SHROOM4: variants seen among roughly 807,000 people sequenced by gnomAD.
SHROOM4 encodes the protein shroom family member 4, also known as protein Shroom4.
In SHROOM4, 17 loss-of-function variants were observed where a neutral mutation model predicts 80.3. The ratio of observed to expected loss-of-function variants is 0.21; its 90% confidence interval spans 0.14 to 0.32. The LOEUF (loss-of-function observed/expected upper bound fraction) is 0.32, where lower values mean the gene tolerates loss of function less well. Ranked by LOEUF, SHROOM4 falls within the 10% of genes least tolerant of loss-of-function variation. SHROOM4 has a pLI of 1.00. For missense variants in SHROOM4, 993 were observed against 1,140.3 expected (o/e 0.87, Z 1.86); for synonymous variants, 400 against 437.5 (o/e 0.91, Z 1.07).
At chrX:50,810,464 G>A (rs952976266) in intron 1 of SHROOM4, among the ~76,000 whole-genome samples, 2 of 110,907 alleles carry the variant, frequency 1.8e-5, no homozygotes, top group Non-Finnish European at 1.9e-5. Flanking sequence ...ACCGCTTCTG[G>A]TTTTTTTTCC....
At chrX:50,786,071 A>C (rs1935733759) in intron 1 of SHROOM4, among the ~76,000 whole-genome samples, 1 of 111,738 alleles carries the variant, frequency 8.9e-6, no homozygotes, top group Non-Finnish European at 1.9e-5. Context: ...TGAGACTACC[A>C]CATTAAAGCC....
At chrX:50,667,681 A>C (rs1161936926) in intron 2 of SHROOM4, among the ~76,000 whole-genome samples, 1 of 112,206 alleles carries the variant, frequency 8.9e-6, no homozygotes, top group Non-Finnish European at 1.9e-5. Context: ...AGGAGTAAAA[A>C]AAATCTAGTT....
Position 50,619,321 on chromosome X carries a change from C to T in SHROOM4, c.2957+8293G>A, listed in dbSNP as rs782313569. Among the ~76,000 whole-genome samples, 4 of 111,248 alleles carry T rather than the reference C, an allele frequency of 3.6e-5. No homozygotes were observed. The Admixed American group carries it at 3.8e-4, about 11-fold the overall frequency. On this transcript the variant is annotated intron_variant, in intron 5 of 8. Transcript: ENST00000376020. Reference sequence around the variant, plus strand: ...TCTCAGTAGCAACAGCACACAAGCCCAACCCGTCTCGCCTTTCCCTTCCCT... The same window carrying T: ...TCTCAGTAGCAACAGCACACAAGCCTAACCCGTCTCGCCTTTCCCTTCCCT...
intron 1 of SHROOM4, among the ~76,000 whole-genome samples, chrX:50,741,702 T>C (rs925378441): frequency 5.4e-5 from 6 of 111,364 alleles, no homozygotes; most frequent in Non-Finnish European, 1.1e-4. Context: ...TGGTCATTTG[T>C]ATAACATTTT....
intron 1 of SHROOM4, among the ~76,000 whole-genome samples, chrX:50,812,317 T>TAAAAAAAAAAAAAAA (rs34184946): frequency 1.5e-5 from 1 of 66,794 alleles, no homozygotes; most frequent in Non-Finnish European, 2.7e-5. Flanking sequence ...GTGTTTTTGT[T>TAAAAAAAAAAAAAAA]AAAAAAAAAA....
intron 2 of SHROOM4, among the ~76,000 whole-genome samples, chrX:50,667,332 G>A (rs1932722431): frequency 9.0e-6 from 1 of 111,642 alleles, no homozygotes; most frequent in Non-Finnish European, 1.9e-5. Flanking sequence ...CTTAAGGTTT[G>A]CTTCATTTAG....
chrX:50,689,764 G>A (rs1043158704), intron 2 of SHROOM4, among the ~76,000 whole-genome samples: 15 of 111,507 alleles, frequency 1.3e-4, no homozygotes, highest in African/African-American at 3.9e-4. Flanking sequence ...TTTTGTCTAC[G>A]TAAGAATCAA....
intron 2 of SHROOM4, among the ~76,000 whole-genome samples, chrX:50,649,266 C>T (rs782370783): frequency 1.8e-5 from 2 of 111,942 alleles, no homozygotes; most frequent in East Asian, 5.6e-4. Flanking sequence ...GTGTGCCCAG[C>T]GAGCAGCTTG....
rs915636438 is a variant in SHROOM4 at position 50,590,278 on chromosome X, G to A, written c.*6417C>T. Among the ~76,000 whole-genome samples the A allele has an allele frequency of 7.3e-5, 8 of 109,969 alleles. No individual in the cohort carries two copies. The highest frequency in any genetic ancestry group is 1.5e-4 in the Non-Finnish European group (8 of 52,657). ...TTTCTTTTTTTTGAGACAGAATCTC[G>A]CTCAGTCACCCAGGCTGGAGTGCAG... is the stretch of plus-strand genomic sequence containing the variant. On this transcript the variant is annotated 3_prime_UTR_variant, in exon 9 of 9. Transcript: ENST00000376020.
chrX:50,741,671 G>C (rs1481703807), intron 1 of SHROOM4, among the ~76,000 whole-genome samples: 1 of 110,822 alleles, frequency 9.0e-6, no homozygotes, highest in East Asian at 2.8e-4. Flanking sequence ...TAATGATATT[G>C]AGCACCTTTT....
At chrX:50,643,862 A>T (rs1931716347) in intron 2 of SHROOM4, among the ~76,000 whole-genome samples, 1 of 112,746 alleles carries the variant, frequency 8.9e-6, no homozygotes, top group Non-Finnish European at 1.9e-5. Context: ...TCTAAAAAGA[A>T]TTTTTAAAAA....
intron 1 of SHROOM4, among the ~76,000 whole-genome samples, chrX:50,700,119 A>G (rs1933477535): frequency 9.1e-6 from 1 of 109,466 alleles, no homozygotes. Flanking sequence ...CTTCTGGCCA[A>G]ATTACCAGCC....
intron 5 of SHROOM4, 30 bp downstream of exon 5, chrX:50,627,584 C>G (rs1930854163): frequency 8.4e-7 from 1 of 1,185,729 alleles, no homozygotes; most frequent in Admixed American, 2.2e-5. Context: ...GAGGCACCAA[C>G]CCACCCCAAC....
intron 1 of SHROOM4, among the ~76,000 whole-genome samples, chrX:50,736,493 G>T (rs1934496528): frequency 9.0e-6 from 1 of 111,469 alleles, no homozygotes; most frequent in Non-Finnish European, 1.9e-5. Flanking sequence ...CCACTTATAA[G>T]TGAAAACATG....
At chrX:50,585,837 G>A (rs1323781513), downstream of SHROOM4, among the ~76,000 whole-genome samples, 2 of 89,257 alleles carry the variant, frequency 2.2e-5, no homozygotes, top group Admixed American at 1.3e-4. Context: ...CTTGGTTTGG[G>A]TTATCTTTTG....
chrX:50,660,377 C>T (rs1364177978), intron 2 of SHROOM4, among the ~76,000 whole-genome samples: 5 of 111,693 alleles, frequency 4.5e-5, no homozygotes, highest in African/African-American at 1.6e-4. Flanking sequence ...TATAAGAGCA[C>T]ATGTATTTCT....
At position 50,720,819 on chromosome X, in the gene SHROOM4, G is replaced by A. The variant is rs1382057427; in HGVS notation, c.118-24882C>T. On this transcript the variant is annotated intron_variant, in intron 1 of 8. Coordinates refer to ENST00000376020, the MANE Select transcript of SHROOM4 (RefSeq NM_020717.5). ...AAAGCGCATTCATTCCTGGCTGAAG[G>A]AATAGCAGATGGAAAGGCACTGATG... Among the ~76,000 whole-genome samples, 2 of 111,402 alleles carry A rather than the reference G, an allele frequency of 1.8e-5. 1 individual carries two copies. The highest frequency in any genetic ancestry group is 6.5e-5 in the African/African-American group (2 of 30,629).
In SHROOM4 at chrX:50,602,032, C is replaced by T. The variant is rs1337707489; in HGVS notation, c.3942+601G>A. Among the ~76,000 whole-genome samples the T allele has an allele frequency of 2.7e-5, 3 of 111,450 alleles. No individual in the cohort carries two copies. The Admixed American group carries it at 2.8e-4, about 11-fold the overall frequency. On this transcript the variant is annotated intron_variant, in intron 7 of 8. Transcript: ENST00000376020. ...CTGTAATCCCTGGGCAAATTCGTCCCTTCAACTAGTAAAAAAGGGATAGTA... is the reference window on the plus strand; with the variant it reads ...CTGTAATCCCTGGGCAAATTCGTCCTTTCAACTAGTAAAAAAGGGATAGTA...
intron 1 of SHROOM4, among the ~76,000 whole-genome samples, chrX:50,801,261 GGAGAGA>G (rs781878531): frequency 1.5e-3 from 123 of 81,531 alleles, no homozygotes; most frequent in Non-Finnish European, 2.3e-3. Flanking sequence ...GAGAGAAAGA[GGAGAGA>G]GAGAGAGAGA....
Sources: gnomAD v4.1 joint callset for allele counts (sites outside exome capture counted in the v4.1 genomes callset) on GRCh38, gnomAD v4.1.1 for gene constraint, MANE v1.5 for transcripts, NCBI Gene and HGNC (gene_info 2026-07-23, HGNC 2026-07-21) for gene names.